Variants in RAD17 observed in about 807,000 individuals in gnomAD.
RAD17 encodes RAD17 checkpoint clamp loader component, also known as cell cycle checkpoint protein RAD17.
RAD17 carries 31 observed loss-of-function variants against 81.5 expected under a neutral mutation model. That is an observed-to-expected ratio of 0.38 (90% CI 0.29 to 0.51). The LOEUF (loss-of-function observed/expected upper bound fraction) is 0.51. Among genes scored for constraint, RAD17 ranks in the 20% least tolerant of loss-of-function variants. RAD17 has a pLI of 0.88. For missense variants in RAD17, 681 were observed against 781.2 expected, an observed-to-expected ratio of 0.87 and a Z score of 1.53; for synonymous variants, 261 against 266.2, an observed-to-expected ratio of 0.98 and a Z score of 0.19.
intron 6 of RAD17, among the ~76,000 whole-genome samples, chr5:69,379,245 A>T (rs1055338071): frequency 2.6e-5 from 4 of 152,294 alleles, no homozygotes; most frequent in East Asian, 1.9e-4. Context: ...TCAAAAAAAA[A>T]ATATTTTTTG....
At chr5:69,375,646 G>T (rs1763288561) in intron 6 of RAD17, among the ~76,000 whole-genome samples, 2 of 151,858 alleles carry the variant, frequency 1.3e-5, no homozygotes, top group African/African-American at 4.8e-5. Context: ...TTAAAAAAAT[G>T]ATTTTCCTAA....
At chr5:69,398,936 G>A (rs1234390893) in intron 16 of RAD17, among the ~76,000 whole-genome samples, 2 of 145,856 alleles carry the variant, frequency 1.4e-5, no homozygotes. Flanking sequence ...ACTTTGGAAA[G>A]CTGAGGTGGA....
intron 11 of RAD17, among the ~76,000 whole-genome samples, chr5:69,388,449 GAA>G (rs1180369319): frequency 2.0e-5 from 3 of 152,000 alleles, no homozygotes; most frequent in Non-Finnish European, 2.9e-5. Flanking sequence ...TATGTAGTGA[GAA>G]AGAGTAAAAA....
At chr5:69,407,371 TATC>T (rs979632972) in intron 17 of RAD17, among the ~76,000 whole-genome samples, 1 of 152,030 alleles carries the variant, frequency 6.6e-6, no homozygotes, top group Non-Finnish European at 1.5e-5. Flanking sequence ...TGGTTTTTCT[TATC>T]AATTTTTATA....
chr5:69,405,350 C>CA (rs1310409538), intron 17 of RAD17, among the ~76,000 whole-genome samples: 3 of 147,414 alleles, frequency 2.0e-5, no homozygotes, highest in African/African-American at 7.6e-5. Context: ...AAAACACACA[C>CA]ACAAAAAAAA....
chr5:69,389,046 A>G lies in RAD17; in HGVS notation c.907A>G (p.Ile303Val). 6.7e-7 allele frequency: 1 copy of G among 1,484,232 alleles called. No homozygotes were observed. The highest frequency in any genetic ancestry group is 9.0e-7 in the Non-Finnish European group (1 of 1,114,446). The allele number at this position is 1,484,232 out of a possible 1,614,324, so 91.9% of individuals were successfully genotyped here. A position where few individuals can be genotyped will look rare whatever the true frequency, so the allele number is the denominator to read the frequency against. ...TTTCTTATTTTAGAATGGAGGAAAA[A>G]TTACTGTCCCTGACAAAACTTCTCT... The part of the protein sequence containing the change: ...TIEANKNGGK[I>V]TVPDKTSLEL... The change falls in exon 12 of 19, where the codon ATT becomes GTT. Residue 303 changes from isoleucine to valine, a missense_variant. Physicochemically the swap from Ile to Val is conservative, Grantham distance 29. Transcript: ENST00000354868.
At chr5:69,398,125 A>G (rs1242762183) in intron 16 of RAD17, among the ~76,000 whole-genome samples, 1 of 152,154 alleles carries the variant, frequency 6.6e-6, no homozygotes, top group African/African-American at 2.4e-5. Context: ...TAAAAAAAAA[A>G]AAAGAAAATC....
intron 4 of RAD17, among the ~76,000 whole-genome samples, chr5:69,372,604 C>G (rs907910927): frequency 4.6e-5 from 7 of 151,848 alleles, no homozygotes; most frequent in African/African-American, 1.7e-4. Flanking sequence ...CTAATAATTT[C>G]TAATTATTAG....
At chr5:69,406,571 G>A (rs539606412) in intron 17 of RAD17, among the ~76,000 whole-genome samples, 3 of 151,938 alleles carry the variant, frequency 2.0e-5, no homozygotes, top group East Asian at 1.9e-4. Context: ...GTATGATCAC[G>A]GCTCACTGCA....
Position 69,386,443 on chromosome 5 carries a change from T to C in RAD17, c.872T>C (p.Ile291Thr). The C allele has an allele frequency of 6.2e-7, 1 of 1,600,024 alleles. No individual in the cohort carries two copies. Residue 291 changes from isoleucine to threonine, a missense_variant, in exon 11 of 19, where the codon ATA (isoleucine) becomes ACA (threonine). Physicochemically the swap from Ile to Thr is moderately conservative, Grantham distance 89. Coordinates refer to ENST00000354868, the MANE Select transcript of RAD17 (RefSeq NM_133338.3). ...PTIMMKFLNR[I>T]VTIEANKNGG... ...ATTATGATGAAATTTCTTAATCGAA[T>C]AGTGACTATAGAAGCTAACAAGGTA...
In RAD17 at chr5:69,414,613, T is replaced by C. The variant is rs1766267239; in HGVS notation, c.*321T>C. The stretch of plus-strand genomic sequence containing the variant: ...ACTAATTCAGGATGCAAAAACGTTA[T>C]TGGGGGGTTGTAAATATCAACTATT... On this transcript the variant is annotated 3_prime_UTR_variant, in exon 19 of 19. Transcript: ENST00000354868. 2.7e-6 allele frequency: 1 copy of C among 371,522 alleles called. No individual in the cohort carries two copies. Among genetic ancestry groups the C allele is most frequent in the Non-Finnish European group, 4.9e-6 (1 of 204,292 alleles). The allele number at this position is 371,522 out of a possible 1,614,324, so 23.0% of individuals were successfully genotyped here. A position where few individuals can be genotyped will look rare whatever the true frequency, so the allele number is the denominator to read the frequency against.
In RAD17 at chr5:69,386,476, GATTA is replaced by G. The variant is rs753994436; in HGVS notation, c.894+17_894+20del. ...ATAGAAGCTAACAAGGTAAGTCTCTGATTAATTAAACCTTACTCGATAACTATAG... is the reference window on the plus strand; with the variant it reads ...ATAGAAGCTAACAAGGTAAGTCTCTGATTAAACCTTACTCGATAACTATAG... On this transcript the variant is annotated intron_variant, in intron 11 of 18. Transcript: ENST00000354868. The G allele has an allele frequency of 1.3e-4, 203 of 1,570,056 alleles. No individual in the cohort carries two copies. The highest frequency in any genetic ancestry group is 1.7e-4 in the Non-Finnish European group (196 of 1,163,116).
intron 17 of RAD17, among the ~76,000 whole-genome samples, chr5:69,406,999 A>ATTTT (rs66894670): frequency 1.2e-5 from 1 of 82,678 alleles, no homozygotes; most frequent in African/African-American, 3.9e-5. Flanking sequence ...TTTGTAGTAG[A>ATTTT]TTTTTTTTTT....
At chr5:69,404,302 G>A (rs1304173438) in intron 17 of RAD17, among the ~76,000 whole-genome samples, 1 of 152,186 alleles carries the variant, frequency 6.6e-6, no homozygotes, top group African/African-American at 2.4e-5. Context: ...ACAACAGAAT[G>A]AAGAGCCAAC....
chr5:69,377,280 G>A (rs1370521684), intron 6 of RAD17, among the ~76,000 whole-genome samples: 1 of 151,086 alleles, frequency 6.6e-6, no homozygotes, highest in Non-Finnish European at 1.5e-5. Context: ...TTTTTGGTCA[G>A]CTTAGCTAAT....
chr5:69,400,509 C>T (rs1006262996), intron 17 of RAD17, among the ~76,000 whole-genome samples: 4 of 152,038 alleles, frequency 2.6e-5, no homozygotes, highest in South Asian at 2.1e-4. Flanking sequence ...AGCCACCGCA[C>T]ACGGCCAGAA....
intron 15 of RAD17, among the ~76,000 whole-genome samples, chr5:69,394,734 A>G (rs1223579124): frequency 3.9e-5 from 6 of 152,188 alleles, no homozygotes; most frequent in East Asian, 1.9e-4. Context: ...GGACGACACT[A>G]TTTTGATACG....
At chr5:69,387,881 C>T (rs1764313575) in intron 11 of RAD17, among the ~76,000 whole-genome samples, 1 of 151,838 alleles carries the variant, frequency 6.6e-6, no homozygotes, top group Non-Finnish European at 1.5e-5. Flanking sequence ...AAAAAATTAC[C>T]TGGGCATGGT....
At chr5:69,385,187 C>T (rs1458315515) in intron 8 of RAD17, among the ~76,000 whole-genome samples, 2 of 151,498 alleles carry the variant, frequency 1.3e-5, no homozygotes, top group Non-Finnish European at 2.9e-5. Flanking sequence ...GTCTCGATCT[C>T]CTGACCTCAT....
Sources: allele counts gnomAD v4.1 joint callset (sites outside exome capture counted in the v4.1 genomes callset), GRCh38; gene constraint gnomAD v4.1.1; transcripts MANE v1.5; gene names NCBI Gene and HGNC (gene_info 2026-07-23, HGNC 2026-07-21).